The following PPM1B variants were observed in gnomAD, a reference collection of about 807,000 sequenced individuals.
PPM1B encodes protein phosphatase 1B.
PPM1B carries 22 observed loss-of-function variants against 43.0 expected under a neutral mutation model. That is an observed-to-expected ratio of 0.51 (90% CI 0.37 to 0.73). The LOEUF is 0.73. Ranked by LOEUF, PPM1B falls within the 30% of genes least tolerant of loss-of-function variation. The pLI is 0.00. For synonymous variants in PPM1B, 217 were observed against 197.9 expected (o/e 1.10, Z -0.81); for missense variants, 632 against 584.2 (o/e 1.08, Z -0.84).
At chr2:44,226,441 A>G (rs1175429602) in intron 5 of PPM1B, among the ~76,000 whole-genome samples, 35 of 152,298 alleles carry the variant, frequency 2.3e-4, no homozygotes. Context: ...ACAACCTTTC[A>G]TCCAACCTTA....
At chr2:44,212,040 G>A (rs1485157175) in intron 3 of PPM1B, among the ~76,000 whole-genome samples, 2 of 152,052 alleles carry the variant, frequency 1.3e-5, no homozygotes, top group South Asian at 2.1e-4. Flanking sequence ...GTGAATCACC[G>A]CGCCTGGTTT....
intron 1 of PPM1B, among the ~76,000 whole-genome samples, chr2:44,184,268 C>T (rs1371314687): frequency 6.6e-6 from 1 of 152,166 alleles, no homozygotes; most frequent in East Asian, 1.9e-4. Context: ...AGGACATTGA[C>T]CTGTTAGCAG....
chr2:44,217,952 T>C lies in PPM1B; in HGVS notation c.965-15T>C. 1 of 1,555,336 alleles carries C rather than the reference T, an allele frequency of 6.4e-7. No individual in the cohort carries two copies. The highest frequency in any genetic ancestry group is 1.2e-5 in the South Asian group (1 of 82,844). ...TATCACATTAATTTAGGAACTTTTT[T>C]TAAAAAACCTACAGAGATTATGGAG... is the stretch of plus-strand genomic sequence containing the variant. On this transcript the variant is annotated splice_polypyrimidine_tract_variant and intron_variant, in intron 3 of 5. Transcript: ENST00000282412.
At position 44,201,059 on chromosome 2, in the gene PPM1B, TGCTCCC is replaced by T; in HGVS notation, c.-14-125_-14-120del. ...AGGAAATTTCTTGGGCTTTTGTTGT[TGCTCCC>T]GTAAATTAGGATAATACTAAAAAAA... On this transcript the variant is annotated intron_variant, in intron 1 of 5. Coordinates refer to ENST00000282412, the MANE Select transcript of PPM1B (RefSeq NM_002706.6). The surrounding 1 kb of genome is among the most constrained non-coding windows in gnomAD (Gnocchi z 5.4). 3 of 1,002,210 alleles carry T rather than the reference TGCTCCC, an allele frequency of 3.0e-6. No homozygotes were observed. The highest frequency in any genetic ancestry group is 4.2e-6 in the Non-Finnish European group (3 of 716,644). 62.1% of individuals were successfully genotyped at this position (1,002,210 alleles called of 1,614,324 possible).
chr2:44,178,200 G>A (rs1281796405), intron 1 of PPM1B, among the ~76,000 whole-genome samples: 3 of 151,710 alleles, frequency 2.0e-5, no homozygotes, highest in Admixed American at 6.6e-5. Context: ...GATTACAGGC[G>A]TGAGCCACCA....
chr2:44,238,272 A>T (rs1288502225), downstream of PPM1B, among the ~76,000 whole-genome samples: 1 of 152,194 alleles, frequency 6.6e-6, no homozygotes, highest in East Asian at 1.9e-4. Flanking sequence ...GTTTATTTTC[A>T]TGAGATTTTG....
At chr2:44,218,920 A>C (rs762655257) in intron 5 of PPM1B, 1 of 460,762 alleles carries the variant, frequency 2.2e-6, no homozygotes, top group Admixed American at 2.4e-5. Flanking sequence ...AGTGATAGTG[A>C]GTGAGTTGTT....
chr2:44,172,932 C>T (rs911020630), intron 1 of PPM1B, among the ~76,000 whole-genome samples: 1 of 152,216 alleles, frequency 6.6e-6, no homozygotes, highest in Non-Finnish European at 1.5e-5. Context: ...TCTGATGTGA[C>T]TTAATCTCTT....
rs577771309 is a variant in PPM1B at position 44,179,651 on chromosome 2, G to A, written c.-15+10377G>A. On this transcript the variant is annotated intron_variant, in intron 1 of 5. Transcript: ENST00000282412. ...TTTATTTTGTTAATTGTGTTTAAGA[G>A]TTTTTAGATATTAGATATTAGATTT... is the stretch of plus-strand genomic sequence containing the variant. Among the ~76,000 whole-genome samples the A allele has an allele frequency of 3.9e-5, 6 of 152,280 alleles. No homozygotes were observed. The East Asian group carries it at 1.2e-3, about 29-fold the overall frequency.
At chr2:44,203,166 C>T (rs78954693) in intron 2 of PPM1B, among the ~76,000 whole-genome samples, 1 of 152,084 alleles carries the variant, frequency 6.6e-6, no homozygotes, top group African/African-American at 2.4e-5. Context: ...TGGAAAGAGG[C>T]AGTTTTAAAA....
chr2:44,234,117 A>G (rs910984289), downstream of PPM1B: 9 of 966,364 alleles, frequency 9.3e-6, no homozygotes, highest in Admixed American at 6.2e-5. Context: ...TAAACTTCTT[A>G]TATGGTTGGC....
rs562797743 is a variant in PPM1B at position 44,171,924 on chromosome 2, AGTT to A, written c.-15+2651_-15+2653del. On this transcript the variant is annotated intron_variant, in intron 1 of 5. Transcript: ENST00000282412. ...TGTGACATTACCTAGCATAGAAAGT[AGTT>A]AAGTAGTATAATTCTAACTCTCGCT... Among the ~76,000 whole-genome samples, 4 of 152,020 alleles carry A rather than the reference AGTT, an allele frequency of 2.6e-5. No individual in the cohort carries two copies. The South Asian group carries it at 6.2e-4, about 24-fold the overall frequency.
chr2:44,200,572 A>G (rs539156840), intron 1 of PPM1B, among the ~76,000 whole-genome samples: 46 of 152,326 alleles, frequency 3.0e-4, no homozygotes, highest in African/African-American at 1.0e-3. Context: ...TTTTATAGAT[A>G]TATAGTAAAA....
At chr2:44,236,193 T>G (rs1670605859), downstream of PPM1B, among the ~76,000 whole-genome samples, 1 of 152,012 alleles carries the variant, frequency 6.6e-6, no homozygotes, top group South Asian at 2.1e-4. Flanking sequence ...GTCAACAGTT[T>G]GAGACCAGCC....
Position 44,230,837 on chromosome 2 carries a change from C to G in PPM1B, c.*119C>G. ...CTTGGAAAACTAGTTTTATTATATT[C>G]AGATAGCCTTGTTTTTTAAAAAGGC... On this transcript the variant is annotated 3_prime_UTR_variant, in exon 6 of 6. Transcript: ENST00000282412. 6.9e-7 allele frequency: 1 copy of G among 1,449,434 alleles called. No individual in the cohort carries two copies. Among genetic ancestry groups the G allele is most frequent in the Middle Eastern group, 2.5e-4 (1 of 4,026 alleles). The allele number at this position is 1,449,434 out of a possible 1,614,324, so 89.8% of individuals were successfully genotyped here. A position where few individuals can be genotyped will look rare whatever the true frequency, so the allele number is the denominator to read the frequency against.
At chr2:44,194,358 TAGTGA>T (rs1668554696) in intron 1 of PPM1B, among the ~76,000 whole-genome samples, 1 of 152,180 alleles carries the variant, frequency 6.6e-6, no homozygotes, top group Non-Finnish European at 1.5e-5. Flanking sequence ...TCTCTGGGAC[TAGTGA>T]ATTTCCTCAG....
At chr2:44,206,034 A>C (rs1333217594) in intron 2 of PPM1B, among the ~76,000 whole-genome samples, 1 of 152,222 alleles carries the variant, frequency 6.6e-6, no homozygotes, top group Non-Finnish European at 1.5e-5. Context: ...AAAAACAAAC[A>C]AAAAACTGTA....
chr2:44,240,152 C>T (rs541975641), intron 5 of PPM1B, among the ~76,000 whole-genome samples: 39 of 146,020 alleles, frequency 2.7e-4, no homozygotes, highest in African/African-American at 9.5e-4. Flanking sequence ...GGAGTACAGA[C>T]ATGAGCCACC....
intron 5 of PPM1B, chr2:44,230,097 TTAAG>T (rs1180108265): frequency 5.3e-6 from 8 of 1,507,184 alleles, no homozygotes; most frequent in South Asian, 1.3e-5. Context: ...CAAATATTGT[TTAAG>T]TAAGTCAGTT....
Sources: gnomAD v4.1 joint callset for allele counts (sites outside exome capture counted in the v4.1 genomes callset) on GRCh38, gnomAD v4.1.1 for gene constraint, Gnocchi (gnomAD v3.1) non-coding constraint, MANE v1.5 for transcripts, NCBI Gene and HGNC (gene_info 2026-07-23, HGNC 2026-07-21) for gene names.